BAZ2B: variants seen among roughly 807,000 people sequenced by gnomAD.
The protein encoded by BAZ2B is bromodomain adjacent to zinc finger domain protein 2B.
BAZ2B carries 91 observed loss-of-function variants against 246.0 expected under a neutral mutation model. That is an observed-to-expected ratio of 0.37 (90% CI 0.31 to 0.44). The LOEUF (loss-of-function observed/expected upper bound fraction) is 0.44. Ranked by LOEUF, BAZ2B falls within the 20% of genes least tolerant of loss-of-function variation. BAZ2B has a pLI of 1.00. For missense variants in BAZ2B, 2,332 were observed against 2,533.7 expected (o/e 0.92, Z 1.71); for synonymous variants, 855 against 860.0 (o/e 0.99, Z 0.10).
At chr2:159,494,327 G>A (rs1276948112) in intron 2 of BAZ2B, among the ~76,000 whole-genome samples, 1 of 152,008 alleles carries the variant, frequency 6.6e-6, no homozygotes, top group Non-Finnish European at 1.5e-5. Context: ...ATATATATTT[G>A]GTTTCCCAGT....
intron 13 of BAZ2B, among the ~76,000 whole-genome samples, chr2:159,427,447 T>C (rs1276151529): frequency 6.6e-6 from 1 of 152,108 alleles, no homozygotes; most frequent in African/African-American, 2.4e-5. Flanking sequence ...ATTCACCTAA[T>C]TTTAAGAAAT....
chr2:159,332,735 T>C, intron 33 of BAZ2B, 49 bp from the exon 34 acceptor site: 1 of 1,591,620 alleles, frequency 6.3e-7, no homozygotes, highest in Non-Finnish European at 8.6e-7. Context: ...CCATGAATAA[T>C]AGTTATTGGG....
intron 21 of BAZ2B, among the ~76,000 whole-genome samples, chr2:159,388,839 G>C (rs1232284774): frequency 6.6e-6 from 1 of 151,998 alleles, no homozygotes; most frequent in Non-Finnish European, 1.5e-5. Flanking sequence ...GGCTGAGGTG[G>C]CTGTATCACT....
intron 31 of BAZ2B, among the ~76,000 whole-genome samples, chr2:159,342,604 A>G (rs1386875641): frequency 1.3e-5 from 2 of 152,156 alleles, no homozygotes; most frequent in Non-Finnish European, 1.5e-5. Context: ...ATTTTGATAC[A>G]TGAACAATGA....
chr2:159,372,392 T>A (rs916972974), intron 27 of BAZ2B, among the ~76,000 whole-genome samples: 1 of 152,242 alleles, frequency 6.6e-6, no homozygotes, highest in Non-Finnish European at 1.5e-5. Context: ...CCATCAGAAT[T>A]TGGCATTTGA....
intron 2 of BAZ2B, among the ~76,000 whole-genome samples, chr2:159,549,057 G>T (rs1232257161): frequency 6.6e-6 from 1 of 152,142 alleles, no homozygotes. Flanking sequence ...GAGGCAGGCA[G>T]ATTAGTTGAG....
chr2:159,495,375 C>A (rs2080974005), intron 2 of BAZ2B, among the ~76,000 whole-genome samples: 1 of 145,808 alleles, frequency 6.9e-6, no homozygotes, highest in Non-Finnish European at 1.5e-5. Context: ...GTCCCAGCTA[C>A]TTGGGAGGCT....
At chr2:159,503,024 T>C (rs2081999599) in intron 2 of BAZ2B, among the ~76,000 whole-genome samples, 1 of 152,220 alleles carries the variant, frequency 6.6e-6, no homozygotes, top group Admixed American at 6.5e-5. Context: ...CAGTTCTTAT[T>C]GGAAATAATG....
chr2:159,324,460 G>A (rs1239170217), intron 36 of BAZ2B, among the ~76,000 whole-genome samples: 2 of 151,994 alleles, frequency 1.3e-5, no homozygotes, highest in African/African-American at 2.4e-5. Flanking sequence ...ACAAATTCCG[G>A]CTTATATGTT....
chr2:159,463,207 G>C, intron 3 of BAZ2B: 1 of 535,216 alleles, frequency 1.9e-6, no homozygotes, highest in Admixed American at 2.3e-5. Flanking sequence ...GAATTTAGCA[G>C]CTATGCATAC....
chr2:159,386,386 A>G lies in BAZ2B; in HGVS notation c.3438T>C (p.Ala1146=), dbSNP rs367772317. The G allele has an allele frequency of 2.3e-4, 370 of 1,613,232 alleles. No homozygotes were observed. Among genetic ancestry groups the G allele is most frequent in the Non-Finnish European group, 3.0e-4 (357 of 1,179,616 alleles). The change falls in exon 22 of 37, where the codon GCT becomes GCC. Residue 1146 remains alanine (A), a synonymous_variant. Transcript: ENST00000392783. ...CTGTTATTAGACCTGGATCACATAC[A>G]GCAGCTGAGAGGAGCCTCACAAGCA... The part of the protein sequence containing the change: ...QDLLVRLLSA[A]VCDPGLITGY...
the BAZ2B span, among the ~76,000 whole-genome samples, chr2:159,684,149 GTTTGTTCT>G: frequency 1.3e-4 from 20 of 152,300 alleles, no homozygotes; most frequent in African/African-American, 4.8e-4. Context: ...ATTTTCAGTA[GTTTGTTCT>G]TTTGTATTAC....
intron 9 of BAZ2B, among the ~76,000 whole-genome samples, chr2:159,432,108 T>C (rs767776962): frequency 6.6e-6 from 1 of 152,212 alleles, no homozygotes; most frequent in Non-Finnish European, 1.5e-5. Flanking sequence ...GTTGAATCTG[T>C]AGTTGACCAG....
the BAZ2B span, among the ~76,000 whole-genome samples, chr2:159,622,180 G>A: frequency 6.9e-6 from 1 of 145,668 alleles, no homozygotes; most frequent in Non-Finnish European, 1.5e-5. Context: ...AAGGCAGAAG[G>A]ATCGCTTGAG....
intron 4 of BAZ2B, among the ~76,000 whole-genome samples, chr2:159,453,210 A>T (rs1428925558): frequency 6.6e-6 from 1 of 152,188 alleles, no homozygotes; most frequent in Non-Finnish European, 1.5e-5. Context: ...GTGTAAAAAT[A>T]CTCATAAAAC....
intron 2 of BAZ2B, among the ~76,000 whole-genome samples, chr2:159,543,154 T>C (rs572782395): frequency 8.5e-5 from 13 of 152,230 alleles, no homozygotes; most frequent in African/African-American, 3.1e-4. Context: ...CTATTACTTA[T>C]TATTATCATT....
the BAZ2B span, chr2:159,690,310 C>T: frequency 4.0e-6 from 1 of 252,044 alleles, no homozygotes; most frequent in Non-Finnish European, 7.9e-6. Flanking sequence ...CTCATTCTCG[C>T]CAACTGCCGT....
At chr2:159,614,270 T>C (rs1695361937) in intron 1 of BAZ2B, among the ~76,000 whole-genome samples, 2 of 148,744 alleles carry the variant, frequency 1.3e-5, no homozygotes, top group African/African-American at 4.8e-5. Flanking sequence ...GTGCTAGTTT[T>C]TGTTTATCTG....
the BAZ2B span, among the ~76,000 whole-genome samples, chr2:159,647,946 T>C: frequency 6.6e-6 from 1 of 152,314 alleles, no homozygotes; most frequent in African/African-American, 2.4e-5. Flanking sequence ...TTTTGCATAC[T>C]GGAACCATGC....
Sources: allele counts gnomAD v4.1 joint callset (sites outside exome capture counted in the v4.1 genomes callset), GRCh38; gene constraint gnomAD v4.1.1; transcripts MANE v1.5; gene names NCBI Gene and HGNC (gene_info 2026-07-23, HGNC 2026-07-21).